PCSK6: variants seen among roughly 807,000 people sequenced by gnomAD.
The protein encoded by PCSK6 is proprotein convertase subtilisin/kexin type 6, also known as paired basic amino acid cleaving enzyme 4.
In PCSK6, 85 loss-of-function variants were observed where a neutral mutation model predicts 123.3. The ratio of observed to expected loss-of-function variants is 0.69; its 90% CI spans 0.58 to 0.83. The LOEUF is 0.83. Ranked by LOEUF, PCSK6 falls within the 40% of genes least tolerant of loss-of-function variation. The pLI, the probability that PCSK6 is intolerant of heterozygous loss-of-function variation, is 0.00. For synonymous variants in PCSK6, 508 were observed against 516.0 expected (o/e 0.98, Z 0.21); for missense variants, 1,191 against 1,282.3 (o/e 0.93, Z 1.09).
intron 6 of PCSK6, among the ~76,000 whole-genome samples, chr15:101,402,118 T>C (rs1309512922): frequency 2.0e-5 from 3 of 148,500 alleles, no homozygotes; most frequent in African/African-American, 5.0e-5. Context: ...TAATGCCACA[T>C]ATCTACAACT....
At chr15:101,485,660 G>A (rs1311541600) in intron 1 of PCSK6, among the ~76,000 whole-genome samples, 3 of 152,134 alleles carry the variant, frequency 2.0e-5, no homozygotes, top group Non-Finnish European at 4.4e-5. Flanking sequence ...CCATCTATTT[G>A]TAACTCTTCA....
intron 13 of PCSK6, among the ~76,000 whole-genome samples, chr15:101,350,990 G>C (rs2040875502): frequency 6.6e-6 from 1 of 152,106 alleles, no homozygotes; most frequent in Non-Finnish European, 1.5e-5. Flanking sequence ...TAAAAACAAA[G>C]GTAATGAATA....
At position 101,489,623 on chromosome 15, in the gene PCSK6, C is replaced by G. The variant is rs1409251980; in HGVS notation, c.48G>C (p.Arg16=). ...PPAPGPRPPP[R]AAAATDTAAG... ...CGGCGGTGTCGGTGGCGGCGGCGGCCCGGGGCGGCGGCCGGGGCCCGGGCG... is the reference window on the plus strand; with the variant it reads ...CGGCGGTGTCGGTGGCGGCGGCGGCGCGGGGCGGCGGCCGGGGCCCGGGCG... The change falls in exon 1 of 22, where the codon CGG becomes CGC. Residue 16 remains arginine, a synonymous_variant. Coordinates refer to ENST00000611716, the MANE Select transcript of PCSK6 (RefSeq NM_002570.5). 14 of 974,648 alleles carry G rather than the reference C, an allele frequency of 1.4e-5. No individual in the cohort carries two copies. In the East Asian group the frequency reaches 1.7e-3, roughly 121 times the overall value. The allele number at this position is 974,648 out of a possible 1,614,324, so 60.4% of individuals were successfully genotyped here.
intron 6 of PCSK6, among the ~76,000 whole-genome samples, chr15:101,422,144 C>T (rs932854400): frequency 6.6e-6 from 1 of 152,154 alleles, no homozygotes; most frequent in Non-Finnish European, 1.5e-5. Flanking sequence ...AACTCAAATA[C>T]TGAAGTACAG....
intron 5 of PCSK6, among the ~76,000 whole-genome samples, chr15:101,428,653 G>A (rs192348493): frequency 2.4e-4 from 36 of 152,312 alleles, no homozygotes; most frequent in Non-Finnish European, 4.0e-4. Flanking sequence ...TTCCTCCAGC[G>A]GGGGCCAAAA....
chr15:101,440,985 T>TGAAAC (rs2056739455), intron 2 of PCSK6, among the ~76,000 whole-genome samples: 9 of 152,188 alleles, frequency 5.9e-5, no homozygotes, highest in Non-Finnish European at 1.0e-4. Flanking sequence ...GCTAACAATT[T>TGAAAC]AATTAGAACT....
intron 1 of PCSK6, among the ~76,000 whole-genome samples, chr15:101,462,611 T>C (rs756501106): frequency 1.3e-4 from 20 of 152,170 alleles, no homozygotes; most frequent in Non-Finnish European, 1.8e-4. Context: ...ACAATCTGTA[T>C]GCAAATACAG....
chr15:101,484,628 T>G (rs1050287669), intron 1 of PCSK6, among the ~76,000 whole-genome samples: 2 of 152,112 alleles, frequency 1.3e-5, no homozygotes, highest in African/African-American at 4.8e-5. Context: ...TGACCTCAGA[T>G]GATCCACCCG....
At chr15:101,343,962 G>A (rs377380811) in intron 13 of PCSK6, among the ~76,000 whole-genome samples, 40 of 152,134 alleles carry the variant, frequency 2.6e-4, no homozygotes, top group African/African-American at 9.7e-4. Context: ...TGTAGTCCCA[G>A]CTACTCAGGA....
At chr15:101,440,942 A>G (rs2056737450) in intron 2 of PCSK6, among the ~76,000 whole-genome samples, 1 of 152,226 alleles carries the variant, frequency 6.6e-6, no homozygotes, top group Non-Finnish European at 1.5e-5. Flanking sequence ...CTGAATTCAT[A>G]ATCGGTTCAG....
rs190466204 is a variant in PCSK6 at position 101,403,909 on chromosome 15, C to T, written c.824-5333G>A. 1.8e-3 allele frequency among the ~76,000 whole-genome samples: 274 copies of T among 152,252 alleles called. 1 individual carries two copies. The highest frequency in any genetic ancestry group is 6.1e-3 in the African/African-American group (253 of 41,534). On this transcript the variant is annotated intron_variant, in intron 6 of 21. Coordinates refer to ENST00000611716, the MANE Select transcript of PCSK6 (RefSeq NM_002570.5). ...TAATTTTTGTGCTTTTTAGTAGAAA[C>T]GGGGTTTCACCACGTTGGCCAGGCT...
chr15:101,346,949 C>T (rs753303654), intron 13 of PCSK6: 36 of 1,231,298 alleles, frequency 2.9e-5, no homozygotes, highest in Non-Finnish European at 3.1e-5. Flanking sequence ...TGGGGAAAGG[C>T]GTCACTGTCA....
At chr15:101,440,385 T>C (rs1374621086) in intron 2 of PCSK6, among the ~76,000 whole-genome samples, 5 of 152,260 alleles carry the variant, frequency 3.3e-5, no homozygotes, top group African/African-American at 1.2e-4. Context: ...GCCTAATAAG[T>C]GTGCGTGCAC....
intron 11 of PCSK6, among the ~76,000 whole-genome samples, chr15:101,375,618 C>A (rs1249067704): frequency 6.6e-6 from 1 of 152,228 alleles, no homozygotes; most frequent in Non-Finnish European, 1.5e-5. Flanking sequence ...ACCTGCGGCA[C>A]TTTGGTGTCA....
At chr15:101,454,364 G>C (rs151146299) in intron 1 of PCSK6, among the ~76,000 whole-genome samples, 1,969 of 152,268 alleles carry the variant, frequency 0.013, 28 homozygotes, top group Middle Eastern at 0.044. Context: ...CAAGGGGTGG[G>C]AGCAACCCAG....
chr15:101,475,421 A>G (rs904180054), intron 1 of PCSK6, among the ~76,000 whole-genome samples: 8 of 152,388 alleles, frequency 5.2e-5, no homozygotes, highest in African/African-American at 1.7e-4. Flanking sequence ...AAAATGGGCA[A>G]AGAATATAAA....
intron 13 of PCSK6, among the ~76,000 whole-genome samples, chr15:101,348,173 C>T (rs1473164749): frequency 1.4e-5 from 2 of 142,684 alleles, no homozygotes; most frequent in African/African-American, 2.6e-5. Flanking sequence ...TGGGTCGGAC[C>T]GGCCCCTGCG....
At chr15:101,394,462 A>G (rs1168140639) in intron 7 of PCSK6, among the ~76,000 whole-genome samples, 3 of 152,128 alleles carry the variant, frequency 2.0e-5, no homozygotes, top group South Asian at 2.1e-4. Flanking sequence ...GACTGAACTG[A>G]CGGATATAGT....
intron 13 of PCSK6, among the ~76,000 whole-genome samples, chr15:101,333,257 A>G (rs889337990): frequency 1.3e-5 from 2 of 152,172 alleles, no homozygotes; most frequent in Non-Finnish European, 2.9e-5. Context: ...TGACCTGCCC[A>G]AGGACAGCTG....
Sources: gnomAD v4.1 joint callset for allele counts (sites outside exome capture counted in the v4.1 genomes callset) on GRCh38, gnomAD v4.1.1 for gene constraint, MANE v1.5 for transcripts, NCBI Gene and HGNC (gene_info 2026-07-23, HGNC 2026-07-21) for gene names.